Variants in SLC25A12 observed in about 807,000 individuals in gnomAD.
The protein encoded by SLC25A12 is solute carrier family 25 member 12.
In SLC25A12, 32 loss-of-function variants were observed where a neutral mutation model predicts 83.3. The ratio of observed to expected loss-of-function variants is 0.38; its 90% CI spans 0.29 to 0.52. The LOEUF is 0.52. SLC25A12 is among the 20% of genes least tolerant of loss of function. The pLI, the probability that SLC25A12 is intolerant of heterozygous loss-of-function variation, is 0.84. For synonymous variants in SLC25A12, 267 were observed against 291.1 expected (o/e 0.92, Z 0.84); for missense variants, 611 against 835.6 (o/e 0.73, Z 3.31).
chr2:171,827,315 T>C (rs929740018), intron 8 of SLC25A12, among the ~76,000 whole-genome samples: 8 of 150,496 alleles, frequency 5.3e-5, no homozygotes, highest in Non-Finnish European at 7.4e-5. Flanking sequence ...TTTTTTTTTT[T>C]CCAACGATAT....
intron 3 of SLC25A12, among the ~76,000 whole-genome samples, chr2:171,864,688 A>C (rs1685246265): frequency 6.6e-6 from 1 of 152,072 alleles, no homozygotes; most frequent in Admixed American, 6.6e-5. Context: ...CCAACTACTA[A>C]CAAGCTTGTA....
intron 9 of SLC25A12, among the ~76,000 whole-genome samples, chr2:171,825,608 T>C (rs1684284432): frequency 6.6e-6 from 1 of 152,202 alleles, no homozygotes; most frequent in Non-Finnish European, 1.5e-5. Context: ...GTCTTCTTTA[T>C]CCATGCCCTC....
At chr2:171,788,212 A>C (rs554862243) in intron 15 of SLC25A12, 1 of 375,680 alleles carries the variant, frequency 2.7e-6, no homozygotes, top group Non-Finnish European at 4.8e-6. Context: ...GTGAGAGAGA[A>C]AAAAAAAGTA....
chr2:171,860,617 A>C (rs1384779077), intron 3 of SLC25A12, among the ~76,000 whole-genome samples: 2 of 152,060 alleles, frequency 1.3e-5, no homozygotes, highest in African/African-American at 4.8e-5. Context: ...AAACAACAAC[A>C]ACAAAAAACC....
At chr2:171,817,367 C>T (rs184049153) in intron 9 of SLC25A12, among the ~76,000 whole-genome samples, 2 of 152,036 alleles carry the variant, frequency 1.3e-5, no homozygotes, top group Non-Finnish European at 2.9e-5. Flanking sequence ...TTTGGGAGGC[C>T]AAGGTGGGCG....
At chr2:171,886,457 T>C (rs1417481145) in intron 2 of SLC25A12, among the ~76,000 whole-genome samples, 1 of 151,354 alleles carries the variant, frequency 6.6e-6, no homozygotes. Flanking sequence ...GTTTTTTTTT[T>C]TTTTCTTTTT....
intron 6 of SLC25A12, 136 bp downstream of exon 6, chr2:171,836,983 CAA>C: frequency 1.3e-6 from 1 of 767,828 alleles, no homozygotes; most frequent in South Asian, 1.6e-5. Context: ...CACACACACA[CAA>C]ACCTGTTTAC....
intron 13 of SLC25A12, among the ~76,000 whole-genome samples, chr2:171,801,883 T>C (rs1449384280): frequency 6.6e-6 from 1 of 150,662 alleles, no homozygotes; most frequent in African/African-American, 2.5e-5. Flanking sequence ...TGTAACCTCA[T>C]TGGAAGTCGA....
chr2:171,836,388 G>T (rs1684557384), intron 6 of SLC25A12, among the ~76,000 whole-genome samples: 1 of 152,192 alleles, frequency 6.6e-6, no homozygotes, highest in South Asian at 2.1e-4. Flanking sequence ...GGGTAAGTGA[G>T]GAAAGTTTCA....
At chr2:171,800,845 C>A (rs1391986610) in intron 13 of SLC25A12, among the ~76,000 whole-genome samples, 2 of 152,086 alleles carry the variant, frequency 1.3e-5, no homozygotes, top group South Asian at 4.1e-4. Context: ...ACAAAAGAAG[C>A]CAGCCATGAA....
chr2:171,853,791 A>G (rs948564699), intron 4 of SLC25A12, among the ~76,000 whole-genome samples: 3 of 152,204 alleles, frequency 2.0e-5, no homozygotes, highest in African/African-American at 7.2e-5. Context: ...CTATTTATCA[A>G]CAATGGCATG....
intron 2 of SLC25A12, among the ~76,000 whole-genome samples, chr2:171,887,263 TAA>T (rs1685841016): frequency 6.6e-6 from 1 of 152,178 alleles, no homozygotes; most frequent in Non-Finnish European, 1.5e-5. Context: ...TAACCTAAAA[TAA>T]GACAGGAAAA....
intron 4 of SLC25A12, among the ~76,000 whole-genome samples, chr2:171,851,669 G>A (rs1250594818): frequency 6.6e-6 from 1 of 151,574 alleles, no homozygotes. Flanking sequence ...CGAGTAGCTG[G>A]GACTACAGGC....
At chr2:171,810,354 C>T in intron 11 of SLC25A12, 78 bp from the exon 12 acceptor site, 1 of 1,168,474 alleles carries the variant, frequency 8.6e-7, no homozygotes, top group Non-Finnish European at 1.3e-6. Context: ...AAGAGTTTCC[C>T]CCATATTATT....
At chr2:171,815,944 A>G (rs930689662) in intron 9 of SLC25A12, among the ~76,000 whole-genome samples, 1 of 152,014 alleles carries the variant, frequency 6.6e-6, no homozygotes, top group Non-Finnish European at 1.5e-5. Context: ...CTTAATATAC[A>G]TTATAAAATT....
chr2:171,831,409 TAAAG>T (rs1684428924), intron 8 of SLC25A12, among the ~76,000 whole-genome samples: 1 of 152,130 alleles, frequency 6.6e-6, no homozygotes, highest in African/African-American at 2.4e-5. Context: ...AAGAGAGATA[TAAAG>T]AAAGTTATAG....
intron 9 of SLC25A12, among the ~76,000 whole-genome samples, chr2:171,820,685 G>GC (rs1384562790): frequency 7.2e-6 from 1 of 139,086 alleles, no homozygotes; most frequent in Non-Finnish European, 1.6e-5. Context: ...CCGAGATCCC[G>GC]CCACTGCACT....
intron 9 of SLC25A12, among the ~76,000 whole-genome samples, chr2:171,819,453 T>G (rs1409400063): frequency 0.028 from 1,289 of 45,408 alleles, 19 homozygotes; most frequent in African/African-American, 0.06. Context: ...TATATAATAC[T>G]TATTATATAT....
intron 13 of SLC25A12, among the ~76,000 whole-genome samples, chr2:171,797,617 A>G (rs1481281606): frequency 6.6e-6 from 1 of 152,170 alleles, no homozygotes; most frequent in Non-Finnish European, 1.5e-5. Flanking sequence ...CTTCTCTCGC[A>G]TATTCTTCTT....
Sources: allele counts gnomAD v4.1 joint callset (sites outside exome capture counted in the v4.1 genomes callset), GRCh38; gene constraint gnomAD v4.1.1; transcripts MANE v1.5; gene names NCBI Gene and HGNC (gene_info 2026-07-23, HGNC 2026-07-21).